GPHN: variants seen among roughly 807,000 people sequenced by gnomAD.
The protein encoded by GPHN is gephyrin.
GPHN carries 17 observed loss-of-function variants against 95.5 expected under a neutral mutation model. The observed-to-expected ratio is 0.18, with a 90% CI of 0.12 to 0.27. The LOEUF (loss-of-function observed/expected upper bound fraction) is 0.27. Among genes scored for constraint, GPHN ranks in the 10% least tolerant of loss-of-function variants. The probability of loss-of-function intolerance (pLI) is 1.00; values close to 1 mark genes in which losing one functional copy is unlikely to be tolerated. For missense variants in GPHN, 660 were observed against 978.1 expected, an observed-to-expected ratio of 0.67 and a Z score of 4.34; for synonymous variants, 320 against 322.5, an observed-to-expected ratio of 0.99 and a Z score of 0.08.
the GPHN span, among the ~76,000 whole-genome samples, chr14:67,229,299 C>G: frequency 5.3e-3 from 808 of 152,294 alleles, 3 homozygotes; most frequent in Middle Eastern, 0.041. Flanking sequence ...AAATTTCACA[C>G]AAATAGTACT....
chr14:67,222,017 A>G, the GPHN span: 5 of 581,146 alleles, frequency 8.6e-6, no homozygotes, highest in Non-Finnish European at 1.2e-5. Flanking sequence ...TCAAGTGGAA[A>G]ACATTATGGT....
the GPHN span, chr14:67,692,943 C>T: frequency 1.2e-6 from 2 of 1,609,904 alleles, no homozygotes; most frequent in Admixed American, 3.3e-5. Context: ...CCTCTCTGAG[C>T]CAGCTCTTTG....
chr14:67,382,519 C>A, the GPHN span: 1 of 1,613,754 alleles, frequency 6.2e-7, no homozygotes, highest in Non-Finnish European at 8.5e-7. Flanking sequence ...CCTTTCTGTC[C>A]TCAGTCAAGC....
chr14:67,329,835 A>AAAATAAATAAATAAATAAAT, the GPHN span, among the ~76,000 whole-genome samples: 1 of 96,956 alleles, frequency 1.0e-5, no homozygotes, highest in African/African-American at 8.6e-5. Context: ...CTTGGTCTCA[A>AAAATAAATAAATAAATAAAT]AAATAAATAA....
At chr14:67,398,019 A>G in the GPHN span, 53 of 408,788 alleles carry the variant, frequency 1.3e-4, 2 homozygotes, top group South Asian at 5.0e-3. Context: ...TCTAGTTCCT[A>G]TTTGGCCATT....
the GPHN span, chr14:67,571,717 C>A: frequency 6.2e-7 from 1 of 1,601,578 alleles, no homozygotes; most frequent in Non-Finnish European, 8.6e-7. Context: ...TGTTTTGCAG[C>A]CTGAGCTGCA....
the GPHN span, chr14:67,338,379 C>T: frequency 7.1e-5 from 31 of 434,388 alleles, no homozygotes; most frequent in Admixed American, 2.3e-4. Context: ...AGTATGATAA[C>T]GCTTCTGCAA....
At chr14:67,325,509 A>G in the GPHN span, among the ~76,000 whole-genome samples, 1 of 152,180 alleles carries the variant, frequency 6.6e-6, no homozygotes, top group Admixed American at 6.5e-5. Context: ...ATACAAAGGA[A>G]ATAGGCAGCA....
intron 5 of GPHN, among the ~76,000 whole-genome samples, chr14:66,887,595 C>G (rs2064260640): frequency 6.6e-6 from 1 of 152,108 alleles, no homozygotes; most frequent in African/African-American, 2.4e-5. Flanking sequence ...AGACCAAGAC[C>G]TAATGATAGG....
chr14:66,530,501 A>G (rs2058877575), intron 1 of GPHN, among the ~76,000 whole-genome samples: 2 of 152,030 alleles, frequency 1.3e-5, no homozygotes, highest in Admixed American at 6.5e-5. Context: ...GTATGAAAAA[A>G]AAACAAAACA....
the GPHN span, chr14:67,204,795 G>C: frequency 6.2e-7 from 1 of 1,613,900 alleles, no homozygotes; most frequent in South Asian, 1.1e-5. Flanking sequence ...TGGATGTGAC[G>C]GATGTCACCA....
the GPHN span, chr14:67,353,142 G>A: frequency 1.2e-6 from 1 of 850,700 alleles, no homozygotes; most frequent in Non-Finnish European, 1.8e-6. Context: ...CCTTTGATGT[G>A]ATGAAAGTGA....
Position 66,922,770 on chromosome 14 carries a change from T to G in GPHN, c.561T>G (p.Pro187=). ...TGCATGATGAACTTGAAGATTTGCC[T>G]TCCCCACCTCCCCCTCTTTCCCCTC... ...KEVHDELEDL[P]SPPPPLSPPP... is the part of the protein sequence containing the mutation. The change falls in exon 7 of 23, where the codon CCT becomes CCG. Residue 187 remains proline (P), a synonymous_variant. Coordinates refer to ENST00000478722, the MANE Select transcript of GPHN (RefSeq NM_020806.5). 1 of 1,613,774 alleles carries G rather than the reference T, an allele frequency of 6.2e-7. No homozygotes were observed. The highest frequency in any genetic ancestry group is 8.5e-7 in the Non-Finnish European group (1 of 1,179,738).
intron 3 of GPHN, among the ~76,000 whole-genome samples, chr14:66,800,296 G>A (rs896751881): frequency 6.6e-6 from 1 of 152,062 alleles, no homozygotes; most frequent in African/African-American, 2.4e-5. Flanking sequence ...ACTATTACCA[G>A]TGAGTTTTGT....
At chr14:66,561,404 C>T (rs939394791) in intron 1 of GPHN, among the ~76,000 whole-genome samples, 7 of 152,102 alleles carry the variant, frequency 4.6e-5, no homozygotes, top group African/African-American at 1.7e-4. Flanking sequence ...TTGATTATTG[C>T]CACAATTTCA....
At chr14:67,568,940 GGTAA>G in the GPHN span, 2 of 556,188 alleles carry the variant, frequency 3.6e-6, no homozygotes, top group East Asian at 3.1e-5. Flanking sequence ...CAGCCTGAAA[GGTAA>G]GTATTATTAC....
At chr14:67,250,992 C>G in the GPHN span, among the ~76,000 whole-genome samples, 14 of 152,142 alleles carry the variant, frequency 9.2e-5, no homozygotes, top group African/African-American at 3.1e-4. Flanking sequence ...AACTACATTT[C>G]AAGTTCTTTG....
chr14:66,924,965 C>T (rs2066411911), intron 8 of GPHN, among the ~76,000 whole-genome samples: 1 of 151,620 alleles, frequency 6.6e-6, no homozygotes, highest in African/African-American at 2.4e-5. Flanking sequence ...ATCTAAGTCC[C>T]TAATATGGAT....
In GPHN at chr14:67,110,239, C is replaced by T; in HGVS notation, c.1393C>T (p.Leu465Phe). 1 of 1,613,658 alleles carries T rather than the reference C, an allele frequency of 6.2e-7. No homozygotes were observed. Among genetic ancestry groups the T allele is most frequent in the African/African-American group, 1.3e-5 (1 of 75,018 alleles). The part of the protein sequence containing the change: ...DAVVQVEDTE[L>F]IRESDDGTEE... ...AGTAGTACAAGTGGAAGATACCGAA[C>T]TTATCAGGGAATCAGATGATGTACG... Residue 465 changes from leucine (L) to phenylalanine (F), a missense_variant, in exon 14 of 23, where the codon CTT (leucine) becomes TTT (phenylalanine). Physicochemically the swap from Leu to Phe is conservative, Grantham distance 22 (BLOSUM62 0). Transcript: ENST00000478722.
Sources: gnomAD v4.1 joint callset for allele counts (sites outside exome capture counted in the v4.1 genomes callset) on GRCh38, gnomAD v4.1.1 for gene constraint, MANE v1.5 for transcripts, NCBI Gene and HGNC (gene_info 2026-07-23, HGNC 2026-07-21) for gene names.